The following SELENON variants were observed in gnomAD, a reference collection of about 807,000 sequenced individuals.
SELENON encodes selenoprotein N.
SELENON carries 44 observed loss-of-function variants against 59.5 expected under a neutral mutation model. That is an observed-to-expected ratio of 0.74 (90% CI 0.58 to 0.95). The LOEUF is 0.95. SELENON is among the 40% of genes least tolerant of loss of function. The pLI is 0.00. For synonymous variants in SELENON, 320 were observed against 305.6 expected (o/e 1.05, Z -0.49); for missense variants, 674 against 721.4 (o/e 0.93, Z 0.75).
intron 6 of SELENON, 40 bp from the exon 6 acceptor site, chr1:25,809,643 A>G (rs1557430849): frequency 6.2e-7 from 1 of 1,611,344 alleles, no homozygotes; most frequent in South Asian, 1.1e-5. Flanking sequence ...CCTGGGGAGA[A>G]GGTGGGCAGC....
At position 25,801,123 on chromosome 1, in the gene SELENON, C is replaced by T; in HGVS notation, c.264C>T (p.Ser88=). The T allele has an allele frequency of 3.7e-6, 6 of 1,614,150 alleles. No homozygotes were observed. The highest frequency in any genetic ancestry group is 2.2e-5 in the South Asian group (2 of 91,082). ...ACACTGACGGGGATATGTACATCAG[C>T]CCTGAGGAGTTCAAACCCATTGCTG... is the stretch of plus-strand genomic sequence containing the variant. The change falls in exon 2 of 13, where the codon AGC becomes AGT. Residue 88 remains serine, a synonymous_variant. Coordinates refer to ENST00000361547, the MANE Select transcript of SELENON (RefSeq NM_020451.3).
Position 25,808,781 on chromosome 1 carries a change from G to A in SELENON, c.739G>A (p.Gly247Ser), listed in dbSNP as rs1470797578. ...CCGCTTCTATCCACCGCCGCCCAAGGGCAAGGAGGTGAGGACAGCTGGGGT... is the reference window on the plus strand; with the variant it reads ...CCGCTTCTATCCACCGCCGCCCAAGAGCAAGGAGGTGAGGACAGCTGGGGT... The change falls in exon 5 of 13, where the codon GGC (glycine) becomes AGC (serine). Residue 247 changes from glycine to serine, a missense_variant. Gly to Ser is a moderately conservative substitution (Grantham distance 56). Coordinates refer to ENST00000361547, the MANE Select transcript of SELENON (RefSeq NM_020451.3). 6.2e-7 allele frequency: 1 copy of A among 1,613,618 alleles called. No individual in the cohort carries two copies. The highest frequency in any genetic ancestry group is 8.5e-7 in the Non-Finnish European group (1 of 1,179,926).
At chr1:25,812,027 G>T (rs2047965700) in intron 9 of SELENON, 148 bp downstream of exon 8, 1 of 867,626 alleles carries the variant, frequency 1.2e-6, no homozygotes, top group Non-Finnish European at 1.8e-6. Context: ...TGCCAGCGGG[G>T]CCTCCCCGCT....
chr1:25,812,894 G>T, intron 10 of SELENON, 102 bp downstream of exon 9: 1 of 894,288 alleles, frequency 1.1e-6, no homozygotes, highest in Non-Finnish European at 1.8e-6. Context: ...TGAGTTGTGA[G>T]GGCCTCAGGG....
At chr1:25,804,557 G>C (rs983762436) in intron 3 of SELENON, among the ~76,000 whole-genome samples, 16 of 149,474 alleles carry the variant, frequency 1.1e-4, no homozygotes, top group African/African-American at 3.7e-4. Flanking sequence ...AGACTTGCCA[G>C]ATCTCTGAGC....
intron 2 of SELENON, 72 bp downstream of exon 2, chr1:25,801,232 C>T (rs2047858535): frequency 2.5e-6 from 3 of 1,184,880 alleles, no homozygotes; most frequent in Non-Finnish European, 2.5e-6. Flanking sequence ...CAGGAGCGGC[C>T]GTCTGGAGTG....
In SELENON at chr1:25,815,815, C is replaced by T; in HGVS notation, c.*97C>T. On this transcript the variant is annotated 3_prime_UTR_variant, in exon 13 of 13. Transcript: ENST00000361547. ...CTGCAGATGCCGCCCACTCCCACCC[C>T]ACTCCTAGGCTGCCTTGGAGGGTAC... 3 of 1,300,326 alleles carry T rather than the reference C, an allele frequency of 2.3e-6. No individual in the cohort carries two copies. The highest frequency in any genetic ancestry group is 3.3e-6 in the Non-Finnish European group (3 of 918,654). 80.5% of individuals were successfully genotyped at this position (1,300,326 alleles called of 1,614,324 possible). A position where few individuals can be genotyped will look rare whatever the true frequency, so the allele number is the denominator to read the frequency against.
chr1:25,812,262 G>GT (rs2047967634), intron 9 of SELENON, among the ~76,000 whole-genome samples: 3 of 152,206 alleles, frequency 2.0e-5, no homozygotes, highest in Admixed American at 2.0e-4. Context: ...CAGGAGGACT[G>GT]TTTGAGCCCA....
Position 25,811,509 on chromosome 1 carries a change from G to T in SELENON, c.1066G>T (p.Glu356Ter). 1 of 1,614,134 alleles carries T rather than the reference G, an allele frequency of 6.2e-7. No homozygotes were observed. The highest frequency in any genetic ancestry group is 8.5e-7 in the Non-Finnish European group (1 of 1,180,038). ...CGGGGCCAGTGAAAGCAGCAACATG[G>T]AGGTGGACATCGGCTACATACCCCA... The change falls in exon 8 of 13, where the codon GAG becomes TAG. Residue 356 changes from glutamate (E) to a stop codon, truncating the protein, a stop_gained. Transcript: ENST00000361547. LOFTEE classifies it high-confidence loss of function.
At position 25,813,903 on chromosome 1, in the gene SELENON, G is replaced by T; in HGVS notation, c.1410G>T (p.Glu470Asp). The change falls in exon 11 of 13, where the codon GAG becomes GAT. Residue 470 changes from glutamate (E) to aspartate (D), a missense_variant. Coordinates refer to ENST00000361547, the MANE Select transcript of SELENON (RefSeq NM_020451.3). ...CAGGTTCAGGGCGGACTCTCCGGGA[G>T]ACTGTCCTGGAAAGTTCGCCCATCC... The T allele has an allele frequency of 6.2e-7, 1 of 1,614,066 alleles. No individual in the cohort carries two copies. Among genetic ancestry groups the T allele is most frequent in the Non-Finnish European group, 8.5e-7 (1 of 1,179,992 alleles).
Position 25,809,062 on chromosome 1 carries a change from C to G in SELENON, c.784C>G (p.Arg262Gly). 6.2e-7 allele frequency: 1 copy of G among 1,613,848 alleles called. No homozygotes were observed. Among genetic ancestry groups the G allele is most frequent in the South Asian group, 1.1e-5 (1 of 91,088 alleles). ...CCGGCTCCTGAGCATGTTCCACCCTCGGCCCTTTGTGAAGACCCGCTTTGC... is the reference window on the plus strand; with the variant it reads ...CCGGCTCCTGAGCATGTTCCACCCTGGGCCCTTTGTGAAGACCCGCTTTGC... Residue 262 changes from arginine to glycine, a missense_variant, in exon 6 of 13, where the codon CGG becomes GGG. Coordinates refer to ENST00000361547, the MANE Select transcript of SELENON (RefSeq NM_020451.3).
At chr1:25,809,222 C>T in intron 6 of SELENON, 72 bp downstream of exon 5, 7 of 1,603,690 alleles carry the variant, frequency 4.4e-6, no homozygotes, top group Non-Finnish European at 5.1e-6. Context: ...GGGGAGGGCC[C>T]AGCTTGAGCC....
chr1:25,806,780 C>G (rs995016690), intron 4 of SELENON, among the ~76,000 whole-genome samples: 3 of 151,390 alleles, frequency 2.0e-5, no homozygotes, highest in Non-Finnish European at 4.4e-5. Flanking sequence ...GAATTGCCAC[C>G]TGGCCCAGCC....
intron 1 of SELENON, 117 bp from the exon 2 acceptor site, chr1:25,800,926 C>CTGGGAGAGCTCAGGAAGATGG: frequency 1.2e-6 from 1 of 855,760 alleles, no homozygotes; most frequent in Non-Finnish European, 2.0e-6. Flanking sequence ...CCGGGAGGCA[C>CTGGGAGAGCTCAGGAAGATGG]TGGGAGAGCT....
Position 25,809,783 on chromosome 1 carries a change from C to G in SELENON, c.973C>G (p.His325Asp), listed in dbSNP as rs941863056. 1 of 1,614,094 alleles carries G rather than the reference C, an allele frequency of 6.2e-7. No homozygotes were observed. Among genetic ancestry groups the G allele is most frequent in the East Asian group, 2.2e-5 (1 of 44,890 alleles). ...CATCATCCTCTCCAAAGACGCCACC[C>G]ACGTCCGCGACTTCCGGCTCTTCGT... The change falls in exon 7 of 13, where the codon CAC becomes GAC. Residue 325 changes from histidine (H) to aspartate (D), a missense_variant. By Grantham distance (81) the His-to-Asp change is moderately conservative. Coordinates refer to ENST00000361547, the MANE Select transcript of SELENON (RefSeq NM_020451.3).
chr1:25,811,432 C>T (rs1168183956), intron 7 of SELENON, 22 bp from the exon 7 acceptor site: 2 of 1,603,828 alleles, frequency 1.2e-6, no homozygotes, highest in South Asian at 1.1e-5. Flanking sequence ...ATGATGGTGT[C>T]ACTCTGCCCT....
Position 25,809,168 on chromosome 1 carries a change from G to T in SELENON, c.872+18G>T. The T allele has an allele frequency of 6.2e-7, 1 of 1,613,406 alleles. No homozygotes were observed. Among genetic ancestry groups the T allele is most frequent in the Non-Finnish European group, 8.5e-7 (1 of 1,179,962 alleles). ...ATGTTCCGGTGAGTGGGCCACACTG[G>T]CTGGCCTGGAGCACCGGGGAGGCAT... On this transcript the variant is annotated intron_variant, in intron 6 of 12. Coordinates refer to ENST00000361547, the MANE Select transcript of SELENON (RefSeq NM_020451.3).
rs2048020216 is a variant in SELENON, at chr1:25,817,321, TC to T, written c.*1604del. ...CCTCCACCTCCCAGGTTCAAGCAAT[TC>T]TCTTGCCTCAGCCTCCCGAGTAGCT... On this transcript the variant is annotated 3_prime_UTR_variant, in exon 13 of 13. Coordinates refer to ENST00000361547, the MANE Select transcript of SELENON (RefSeq NM_020451.3). 1 of 152,352 alleles carries T rather than the reference TC, an allele frequency of 6.6e-6. No homozygotes were observed. Among genetic ancestry groups the T allele is most frequent in the Admixed American group, 6.5e-5 (1 of 15,280 alleles). The allele number at this position is 152,352 out of a possible 1,614,324, so 9.4% of individuals were successfully genotyped here.
intron 10 of SELENON, 52 bp from the exon 10 acceptor site, chr1:25,813,829 T>C (rs1039806752): frequency 5.1e-5 from 73 of 1,425,074 alleles, no homozygotes; most frequent in African/African-American, 9.8e-5. Context: ...CAAAGCAAGA[T>C]TGCACCCCAG....
Sources: gnomAD v4.1 joint callset for allele counts (sites outside exome capture counted in the v4.1 genomes callset) on GRCh38, gnomAD v4.1.1 for gene constraint, MANE v1.5 for transcripts, NCBI Gene and HGNC (gene_info 2026-07-23, HGNC 2026-07-21) for gene names.